Variants in SLC39A8 observed in about 807,000 individuals in gnomAD.
The protein encoded by SLC39A8 is metal cation symporter ZIP8.
In SLC39A8, 15 loss-of-function variants were observed where a neutral mutation model predicts 40.4. The observed-to-expected ratio is 0.37, with a 90% CI of 0.25 to 0.57. The LOEUF (loss-of-function observed/expected upper bound fraction) is 0.57, where lower values mean the gene tolerates loss of function less well. Ranked by LOEUF, SLC39A8 falls within the 20% of genes least tolerant of loss-of-function variation. SLC39A8 has a pLI of 0.75. For synonymous variants in SLC39A8, 223 were observed against 221.6 expected, an observed-to-expected ratio of 1.01 and a Z score of -0.06; for missense variants, 472 against 558.8, an observed-to-expected ratio of 0.84 and a Z score of 1.57.
rs769326343 is a variant in SLC39A8, at chr4:102,344,695, C to T, written c.-33G>A. The T allele has an allele frequency of 1.4e-4, 201 of 1,410,390 alleles. No homozygotes were observed. Among genetic ancestry groups the T allele is most frequent in the Middle Eastern group, 7.5e-4 (3 of 4,008 alleles). The allele number at this position is 1,410,390 out of a possible 1,614,324, so 87.4% of individuals were successfully genotyped here. A position where few individuals can be genotyped will look rare whatever the true frequency, so the allele number is the denominator to read the frequency against. Reference sequence around the variant, plus strand: ...TGGGCTTCCCCTTGAGGGCCCGCGACGGGCTGCCGCGCAGAGGGACGCGCG... The same window carrying T: ...TGGGCTTCCCCTTGAGGGCCCGCGATGGGCTGCCGCGCAGAGGGACGCGCG... On this transcript the variant is annotated 5_prime_UTR_variant, in exon 2 of 9. Coordinates refer to ENST00000356736, the MANE Select transcript of SLC39A8 (RefSeq NM_001135146.2).
rs142084619 is a variant in SLC39A8 at position 102,327,268 on chromosome 4, T to C, written c.220-11438A>G. Among the ~76,000 whole-genome samples, 9 of 152,152 alleles carry C rather than the reference T, an allele frequency of 5.9e-5. No individual in the cohort carries two copies. The South Asian group carries it at 1.5e-3, about 25-fold the overall frequency. ...ACAGTGAGACCCTGTCTCAAAAAAA[T>C]TGTACACATTTATGCCGAGAGTCTA... On this transcript the variant is annotated intron_variant, in intron 2 of 8. Coordinates refer to ENST00000356736, the MANE Select transcript of SLC39A8 (RefSeq NM_001135146.2).
chr4:102,264,297 T>A (rs1339158490), intron 8 of SLC39A8, among the ~76,000 whole-genome samples: 2 of 152,184 alleles, frequency 1.3e-5, no homozygotes, highest in Non-Finnish European at 2.9e-5. Flanking sequence ...TCCTTGTACA[T>A]CTCCATAAGA....
chr4:102,273,207 C>T (rs960774537), intron 6 of SLC39A8, among the ~76,000 whole-genome samples: 1 of 152,184 alleles, frequency 6.6e-6, no homozygotes, highest in South Asian at 2.1e-4. Flanking sequence ...TTGAAATTCT[C>T]GCTGCCAGCA....
intron 2 of SLC39A8, among the ~76,000 whole-genome samples, chr4:102,340,842 G>A (rs1735906434): frequency 6.6e-6 from 1 of 152,154 alleles, no homozygotes; most frequent in South Asian, 2.1e-4. Flanking sequence ...AGTTTAACTG[G>A]GCTTAAGAGA....
intron 6 of SLC39A8, among the ~76,000 whole-genome samples, chr4:102,271,172 C>T (rs1032472549): frequency 1.1e-4 from 16 of 151,364 alleles, no homozygotes; most frequent in Non-Finnish European, 1.9e-4. Flanking sequence ...GAGAAGGAAA[C>T]GAGCAAGCAT....
chr4:102,292,366 A>T (rs1477615568), intron 6 of SLC39A8, among the ~76,000 whole-genome samples: 1 of 152,082 alleles, frequency 6.6e-6, no homozygotes, highest in Non-Finnish European at 1.5e-5. Flanking sequence ...ATTCAATCCA[A>T]CTGCCTTTAT....
downstream of SLC39A8, among the ~76,000 whole-genome samples, chr4:102,258,614 C>T (rs1731767678): frequency 1.3e-5 from 2 of 152,160 alleles, no homozygotes; most frequent in African/African-American, 2.4e-5. Flanking sequence ...CACTAATTGG[C>T]TTTTGGCCCT....
intron 7 of SLC39A8, 70 bp from the exon 8 acceptor site, chr4:102,267,744 C>A: frequency 6.5e-7 from 1 of 1,529,056 alleles, no homozygotes; most frequent in South Asian, 1.2e-5. Context: ...CAAAGATAAT[C>A]ATCAATGTCC....
At chr4:102,306,263 T>A (rs1424812631) in intron 4 of SLC39A8, among the ~76,000 whole-genome samples, 2 of 151,876 alleles carry the variant, frequency 1.3e-5, no homozygotes, top group Non-Finnish European at 2.9e-5. Context: ...ATAAAGCAGA[T>A]GAGATAATAA....
rs138347625 is a variant in SLC39A8 at position 102,277,203 on chromosome 4, C to G, written c.841-9124G>C. 7.7e-3 allele frequency among the ~76,000 whole-genome samples: 1,173 copies of G among 152,302 alleles called. 19 individuals carry two copies. The highest frequency in any genetic ancestry group is 0.027 in the African/African-American group (1,129 of 41,558). ...AGGAAAAGAGGTAGTCAAATTATCT[C>G]TGTTTGCAGATGACATGATTATATA... On this transcript the variant is annotated intron_variant, in intron 6 of 8. Coordinates refer to ENST00000356736, the MANE Select transcript of SLC39A8 (RefSeq NM_001135146.2).
At chr4:102,318,169 GA>G (rs1734745177) in intron 2 of SLC39A8, among the ~76,000 whole-genome samples, 1 of 151,888 alleles carries the variant, frequency 6.6e-6, no homozygotes, top group African/African-American at 2.4e-5. Context: ...CATACAATTA[GA>G]AAAAAAGAAA....
chr4:102,314,278 C>G (rs141162375), intron 3 of SLC39A8, among the ~76,000 whole-genome samples: 1 of 152,052 alleles, frequency 6.6e-6, no homozygotes, highest in Admixed American at 6.6e-5. Context: ...AAGTCCCCAT[C>G]ATCCTGGCAT....
At chr4:102,312,541 T>G (rs538690683) in intron 3 of SLC39A8, among the ~76,000 whole-genome samples, 32 of 152,150 alleles carry the variant, frequency 2.1e-4, no homozygotes, top group African/African-American at 7.5e-4. Context: ...TGAATATGAG[T>G]AATTAACTTG....
At chr4:102,318,702 C>T (rs541019985) in intron 2 of SLC39A8, among the ~76,000 whole-genome samples, 1 of 152,228 alleles carries the variant, frequency 6.6e-6, no homozygotes, top group East Asian at 1.9e-4. Flanking sequence ...CCTTTCACCT[C>T]CAAAACAATG....
intron 2 of SLC39A8, among the ~76,000 whole-genome samples, chr4:102,324,987 GA>G (rs1195730548): frequency 6.6e-6 from 1 of 152,008 alleles, no homozygotes; most frequent in African/African-American, 2.4e-5. Flanking sequence ...ATTGCTTCCA[GA>G]TTTGTTCTTC....
intron 2 of SLC39A8, among the ~76,000 whole-genome samples, chr4:102,331,238 T>G (rs116105673): frequency 0.02 from 3,051 of 152,240 alleles, 128 homozygotes; most frequent in African/African-American, 0.071. Flanking sequence ...TCAAATTGTC[T>G]CGTTTGCAGA....
chr4:102,265,616 C>T (rs566919316), intron 8 of SLC39A8, among the ~76,000 whole-genome samples: 98 of 152,248 alleles, frequency 6.4e-4, no homozygotes, highest in Middle Eastern at 3.4e-3. Context: ...CAAAGTGCAT[C>T]AAAGCAATGT....
chr4:102,320,202 T>TGTATATATATATGTATATATGTATGA (rs1560560885), intron 2 of SLC39A8, among the ~76,000 whole-genome samples: 2 of 136,784 alleles, frequency 1.5e-5, no homozygotes, highest in Non-Finnish European at 3.1e-5. Flanking sequence ...TATATATATA[T>TGTATATATATATGTATATATGTATGA]GTATATATAT....
At chr4:102,293,597 G>GA (rs962148595) in intron 6 of SLC39A8, among the ~76,000 whole-genome samples, 14 of 151,736 alleles carry the variant, frequency 9.2e-5, no homozygotes, top group Non-Finnish European at 7.4e-5. Context: ...AAAACAGTAG[G>GA]AAAAAAGTTA....
Sources: gnomAD v4.1 joint callset for allele counts (sites outside exome capture counted in the v4.1 genomes callset) on GRCh38, gnomAD v4.1.1 for gene constraint, MANE v1.5 for transcripts, NCBI Gene and HGNC (gene_info 2026-07-23, HGNC 2026-07-21) for gene names.